Variants in FAM91A1 observed in about 807,000 individuals in gnomAD.
FAM91A1 encodes the protein family with sequence similarity 91 member A1.
FAM91A1 carries 41 observed loss-of-function variants against 113.5 expected under a neutral mutation model. The observed-to-expected ratio is 0.36, with a 90% CI of 0.28 to 0.47. The LOEUF is 0.47. Among genes scored for constraint, FAM91A1 ranks in the 20% least tolerant of loss-of-function variants. The pLI, the probability that FAM91A1 is intolerant of heterozygous loss-of-function variation, is 1.00. For synonymous variants in FAM91A1, 307 were observed against 347.9 expected (o/e 0.88, Z 1.31); for missense variants, 696 against 1,001.2 (o/e 0.70, Z 4.11).
At chr8:123,796,610 T>C (rs1815526605) in intron 15 of FAM91A1, among the ~76,000 whole-genome samples, 2 of 151,450 alleles carry the variant, frequency 1.3e-5, no homozygotes, top group Admixed American at 6.6e-5. Flanking sequence ...GGGTACGTGC[T>C]ACCATGCCTG....
At chr8:123,802,256 G>A (rs903834784) in intron 18 of FAM91A1, among the ~76,000 whole-genome samples, 1 of 152,148 alleles carries the variant, frequency 6.6e-6, no homozygotes, top group Non-Finnish European at 1.5e-5. Flanking sequence ...CAAGGACATG[G>A]TAATAAGAAT....
chr8:123,793,106 A>G (rs971296686), intron 15 of FAM91A1, among the ~76,000 whole-genome samples: 1 of 152,148 alleles, frequency 6.6e-6, no homozygotes, highest in African/African-American at 2.4e-5. Flanking sequence ...GTGATCTGCT[A>G]TCCTATACCT....
Position 123,785,600 on chromosome 8 carries a change from G to A in FAM91A1, c.850-29G>A, listed in dbSNP as rs114381396. ...TGTGATGTCTAGTTTATTTTAAATG[G>A]TAATTAGTTTCCTTTATATTCCTTT... On this transcript the variant is annotated intron_variant, in intron 10 of 23. Transcript: ENST00000334705. 2.4e-5 allele frequency: 33 copies of A among 1,401,134 alleles called. No homozygotes were observed. The South Asian group carries it at 3.6e-4, about 15-fold the overall frequency. 86.8% of individuals were successfully genotyped at this position (1,401,134 alleles called of 1,614,324 possible). A position where few individuals can be genotyped will look rare whatever the true frequency, so the allele number is the denominator to read the frequency against.
At chr8:123,791,174 T>C (rs1038230220) in intron 15 of FAM91A1, among the ~76,000 whole-genome samples, 10 of 152,264 alleles carry the variant, frequency 6.6e-5, no homozygotes, top group Admixed American at 5.2e-4. Flanking sequence ...ACTCCTATTA[T>C]AGATAAAGAA....
chr8:123,785,215 A>G (rs1815223439), intron 10 of FAM91A1, 96 bp downstream of exon 10: 2 of 1,035,836 alleles, frequency 1.9e-6, no homozygotes, highest in East Asian at 5.1e-5. Context: ...AAACGAAGAC[A>G]TTGAGATTGT....
chr8:123,768,871 G>T, intron 1 of FAM91A1, 97 bp downstream of exon 1: 2 of 1,238,580 alleles, frequency 1.6e-6, no homozygotes, highest in Non-Finnish European at 2.3e-6. Context: ...GCTGCTGCCG[G>T]CTGACTCCCT....
chr8:123,805,268 G>T lies in FAM91A1; in HGVS notation c.1811G>T (p.Gly604Val). ...ALTHSAVLIQ[G>V]HGLHGIGETV... ...CTTTTAACTTTTGTTTATGTTTAGG[G>T]GCATGGTCTGCATGGGATAGGAGAA... Residue 604 changes from glycine to valine, a missense_variant and splice_region_variant, in exon 19 of 24, where the codon GGG (glycine) becomes GTG (valine). By Grantham distance (109) the Gly-to-Val change is moderately radical. Transcript: ENST00000334705. 1.2e-6 allele frequency: 2 copies of T among 1,609,892 alleles called. No individual in the cohort carries two copies. The highest frequency in any genetic ancestry group is 1.7e-6 in the Non-Finnish European group (2 of 1,177,968).
intron 3 of FAM91A1, among the ~76,000 whole-genome samples, chr8:123,775,584 G>T (rs989868669): frequency 4.6e-5 from 7 of 152,158 alleles, no homozygotes; most frequent in Non-Finnish European, 7.4e-5. Context: ...ATTTATGTTG[G>T]CAGAGTCTGT....
At chr8:123,770,883 G>C (rs1814821612) in intron 1 of FAM91A1, among the ~76,000 whole-genome samples, 1 of 152,202 alleles carries the variant, frequency 6.6e-6, no homozygotes, top group African/African-American at 2.4e-5. Context: ...ATCTGTACAA[G>C]TTTACTTCCA....
At chr8:123,794,642 T>A (rs1322137260) in intron 15 of FAM91A1, among the ~76,000 whole-genome samples, 2 of 152,240 alleles carry the variant, frequency 1.3e-5, no homozygotes, top group African/African-American at 4.8e-5. Flanking sequence ...AATTTGTCTT[T>A]ACGTTAAATT....
At chr8:123,774,285 ACT>A (rs1402817953) in intron 2 of FAM91A1, 121 bp downstream of exon 2, 2 of 682,988 alleles carry the variant, frequency 2.9e-6, no homozygotes, top group Admixed American at 6.4e-5. Flanking sequence ...ACTTTAAGAA[ACT>A]CTACACTGAT....
chr8:123,768,636 C>T lies in FAM91A1; in HGVS notation c.-67C>T, dbSNP rs1295425727. ...CGTCGCTCCGCTGACAGGCTGCGGG[C>T]GGGCAGGCGGGAGGCGTAGTGTGGG... On this transcript the variant is annotated 5_prime_UTR_variant, in exon 1 of 24. Coordinates refer to ENST00000334705, the MANE Select transcript of FAM91A1 (RefSeq NM_144963.4). 11 of 1,386,446 alleles carry T rather than the reference C, an allele frequency of 7.9e-6. No individual in the cohort carries two copies. The African/African-American group carries it at 1.2e-4, about 15-fold the overall frequency. 85.9% of individuals were successfully genotyped at this position (1,386,446 alleles called of 1,614,324 possible).
At chr8:123,786,306 C>G (rs918145197) in intron 11 of FAM91A1, among the ~76,000 whole-genome samples, 189 bp from the exon 12 acceptor site, 1 of 152,092 alleles carries the variant, frequency 6.6e-6, no homozygotes, top group South Asian at 2.1e-4. Context: ...GAAGCCTATC[C>G]GTGGATCTTA....
Position 123,789,841 on chromosome 8 carries a change from C to A in FAM91A1, c.1411+96C>A, listed in dbSNP as rs200412606. On this transcript the variant is annotated intron_variant, in intron 15 of 23. Transcript: ENST00000334705. ...TGCTCACTTATATAATCATCACTTA[C>A]GTATTTTGTGTAGATAGCATATTGA... 70 of 1,398,166 alleles carry A rather than the reference C, an allele frequency of 5.0e-5. 1 individual carries two copies. In the East Asian group the frequency reaches 5.4e-4, roughly 11 times the overall value. 86.6% of individuals were successfully genotyped at this position (1,398,166 alleles called of 1,614,324 possible).
chr8:123,783,611 T>C (rs1477742918), intron 8 of FAM91A1, among the ~76,000 whole-genome samples: 2 of 152,198 alleles, frequency 1.3e-5, no homozygotes, highest in East Asian at 1.9e-4. Flanking sequence ...TAGATGATAT[T>C]AGGGCCAGGG....
chr8:123,812,753 A>G lies in FAM91A1; in HGVS notation c.*49A>G. The G allele has an allele frequency of 7.0e-7, 1 of 1,438,596 alleles. No individual in the cohort carries two copies. Among genetic ancestry groups the G allele is most frequent in the Non-Finnish European group, 9.2e-7 (1 of 1,085,478 alleles). The allele number at this position is 1,438,596 out of a possible 1,614,324, so 89.1% of individuals were successfully genotyped here. A position where few individuals can be genotyped will look rare whatever the true frequency, so the allele number is the denominator to read the frequency against. ...ACACTTTCTGCCTTTTTTCTTTCTT[A>G]ACGTTAGCTTTATAGTGTCAGCCAC... On this transcript the variant is annotated 3_prime_UTR_variant, in exon 24 of 24. Coordinates refer to ENST00000334705, the MANE Select transcript of FAM91A1 (RefSeq NM_144963.4).
At chr8:123,782,786 A>T (rs969896103) in intron 8 of FAM91A1, among the ~76,000 whole-genome samples, 2 of 152,234 alleles carry the variant, frequency 1.3e-5, no homozygotes, top group Non-Finnish European at 2.9e-5. Context: ...TTCTTCATGT[A>T]GAGTCACCTT....
Position 123,812,505 on chromosome 8 carries a change from T to G in FAM91A1, c.2332-14T>G. The G allele has an allele frequency of 6.4e-7, 1 of 1,564,276 alleles. No individual in the cohort carries two copies. The highest frequency in any genetic ancestry group is 8.6e-7 in the Non-Finnish European group (1 of 1,160,940). Reference sequence around the variant, plus strand: ...AGTGTTGAATATCATTTCTCTTGTTTCTTGATCTTTTAGGAAGGTGCTTCA... The same window carrying G: ...AGTGTTGAATATCATTTCTCTTGTTGCTTGATCTTTTAGGAAGGTGCTTCA... On this transcript the variant is annotated splice_polypyrimidine_tract_variant and intron_variant, in intron 23 of 23. Transcript: ENST00000334705.
Position 123,812,616 on chromosome 8 carries a change from A to G in FAM91A1, c.2429A>G (p.Lys810Arg). 2 of 1,611,996 alleles carry G rather than the reference A, an allele frequency of 1.2e-6. No homozygotes were observed. The highest frequency in any genetic ancestry group is 8.5e-7 in the Non-Finnish European group (1 of 1,179,120). Residue 810 changes from lysine (K) to arginine (R), a missense_variant, in exon 24 of 24, where the codon AAA becomes AGA. Physicochemically the swap from Lys to Arg is conservative, Grantham distance 26 (BLOSUM62 2). Coordinates refer to ENST00000334705, the MANE Select transcript of FAM91A1 (RefSeq NM_144963.4). ...CADMGVPLPA[K>R]NLIFKDGVLS... The stretch of plus-strand genomic sequence containing the variant: ...GACATGGGTGTTCCACTTCCTGCAA[A>G]AAACTTAATATTTAAAGATGGTGTC...
Sources: gnomAD v4.1 joint callset for allele counts (sites outside exome capture counted in the v4.1 genomes callset) on GRCh38, gnomAD v4.1.1 for gene constraint, MANE v1.5 for transcripts, NCBI Gene and HGNC (gene_info 2026-07-23, HGNC 2026-07-21) for gene names.